LDLRAD4: variants seen among roughly 807,000 people sequenced by gnomAD.
LDLRAD4 encodes low-density lipoprotein receptor class A domain-containing protein 4.
In LDLRAD4, 5 loss-of-function variants were observed where a neutral mutation model predicts 17.0. That is an observed-to-expected ratio of 0.29 (90% CI 0.15 to 0.62). The LOEUF (loss-of-function observed/expected upper bound fraction) is 0.62, where lower values mean the gene tolerates loss of function less well. Ranked by LOEUF, LDLRAD4 falls within the 20% of genes least tolerant of loss-of-function variation. The pLI, the probability that LDLRAD4 is intolerant of heterozygous loss-of-function variation, is 0.84. For missense variants in LDLRAD4, 340 were observed against 424.7 expected (o/e 0.80, Z 1.75); for synonymous variants, 168 against 171.8 (o/e 0.98, Z 0.17).
chr18:13,247,461 G>T (rs1036726328), intron 1 of LDLRAD4, among the ~76,000 whole-genome samples: 1 of 152,180 alleles, frequency 6.6e-6, no homozygotes, highest in Non-Finnish European at 1.5e-5. Context: ...TGCAGTCCAG[G>T]ATGCCATGTT....
At chr18:13,405,055 T>A (rs995598780) in intron 2 of LDLRAD4, among the ~76,000 whole-genome samples, 3 of 152,040 alleles carry the variant, frequency 2.0e-5, no homozygotes, top group Admixed American at 2.0e-4. Context: ...ACGGATCCCC[T>A]AAGGGAAGCT....
chr18:13,589,272 A>C (rs1023936903), intron 3 of LDLRAD4, among the ~76,000 whole-genome samples: 1 of 152,012 alleles, frequency 6.6e-6, no homozygotes, highest in Admixed American at 6.6e-5. Context: ...TCTGTCCCCA[A>C]ACTGTGATGG....
chr18:13,259,731 A>G (rs73417385), intron 1 of LDLRAD4, among the ~76,000 whole-genome samples: 6,541 of 151,740 alleles, frequency 0.043, 521 homozygotes, highest in African/African-American at 0.15. Context: ...CACAAACTCA[A>G]GGGGCATCAC....
At chr18:13,259,850 A>G (rs2145928197) in intron 1 of LDLRAD4, among the ~76,000 whole-genome samples, 1 of 152,298 alleles carries the variant, frequency 6.6e-6, no homozygotes, top group Non-Finnish European at 1.5e-5. Flanking sequence ...ACTGAGCCCC[A>G]CTGGGTGCGC....
At chr18:13,545,511 T>C (rs1203014889) in intron 3 of LDLRAD4, among the ~76,000 whole-genome samples, 1 of 152,126 alleles carries the variant, frequency 6.6e-6, no homozygotes, top group African/African-American at 2.4e-5. Flanking sequence ...TCCTGTGTCA[T>C]CTTGTCTTGT....
In LDLRAD4 at chr18:13,438,234, A is replaced by G. The variant is rs779632232; in HGVS notation, c.41-10A>G. 3 of 1,613,544 alleles carry G rather than the reference A, an allele frequency of 1.9e-6. No homozygotes were observed. The African/African-American group carries it at 4.0e-5, about 22-fold the overall frequency. ...TTGACTGCTCCATGCTTTATATTGT[A>G]CTTTTTCAGAGTGCAAATTCACCTG... On this transcript the variant is annotated splice_polypyrimidine_tract_variant and intron_variant, in intron 2 of 5. Coordinates refer to ENST00000359446, the Ensembl canonical transcript of LDLRAD4.
At chr18:13,476,636 A>AAC (rs386387103) in intron 3 of LDLRAD4, among the ~76,000 whole-genome samples, 2 of 151,592 alleles carry the variant, frequency 1.3e-5, no homozygotes, top group Non-Finnish European at 2.9e-5. Flanking sequence ...AAAAAAAAAA[A>AAC]ATCCAGTCAT....
intron 2 of LDLRAD4, among the ~76,000 whole-genome samples, chr18:13,428,671 T>C (rs920138313): frequency 2.6e-5 from 4 of 151,636 alleles, no homozygotes; most frequent in African/African-American, 9.7e-5. Context: ...AGTGAGGTGG[T>C]GGGAAGGGGT....
At chr18:13,454,062 G>T (rs1030424526) in intron 3 of LDLRAD4, among the ~76,000 whole-genome samples, 1 of 152,244 alleles carries the variant, frequency 6.6e-6, no homozygotes, top group Admixed American at 6.5e-5. Context: ...TTTGTTTATT[G>T]CCGGGGTGTT....
In LDLRAD4 at chr18:13,226,376, A is replaced by G. The variant is rs1351087545; in HGVS notation, c.-467+7388A>G. Among the ~76,000 whole-genome samples the G allele has an allele frequency of 2.0e-5, 3 of 151,920 alleles. 1 individual carries two copies. The highest frequency in any genetic ancestry group is 3.9e-4 in the East Asian group (2 of 5,182). On this transcript the variant is annotated intron_variant, in intron 1 of 5. Transcript: ENST00000399848. ...ATTCTTAAAAGGGAAATTGGGGGCT[A>G]TAAGACTTTTAAGGGTCCTCCAAAA...
intron 3 of LDLRAD4, among the ~76,000 whole-genome samples, chr18:13,574,468 A>C (rs1385735367): frequency 6.6e-6 from 1 of 152,138 alleles, no homozygotes. Context: ...TGGGAGCAGG[A>C]ACTATGTCCT....
intron 1 of LDLRAD4, among the ~76,000 whole-genome samples, chr18:13,325,757 CT>C (rs35534448): frequency 1.7e-3 from 245 of 145,628 alleles, no homozygotes; most frequent in Middle Eastern, 3.5e-3. Context: ...AACTTTTTTC[CT>C]TTTTTTTTTT....
At chr18:13,581,212 G>A (rs2094851992) in intron 3 of LDLRAD4, among the ~76,000 whole-genome samples, 2 of 152,226 alleles carry the variant, frequency 1.3e-5, no homozygotes, top group South Asian at 4.1e-4. Context: ...ACTGGCTCAG[G>A]AGGTCAGTGG....
chr18:13,271,128 T>C (rs2044512163), intron 1 of LDLRAD4, among the ~76,000 whole-genome samples: 1 of 152,230 alleles, frequency 6.6e-6, no homozygotes, highest in South Asian at 2.1e-4. Flanking sequence ...CAGTGAGCAG[T>C]AAACATTTTG....
At chr18:13,532,149 C>T (rs535365632) in intron 3 of LDLRAD4, among the ~76,000 whole-genome samples, 1 of 152,308 alleles carries the variant, frequency 6.6e-6, no homozygotes, top group African/African-American at 2.4e-5. Flanking sequence ...GCAGAGGCAG[C>T]TGCCGGGCTG....
intron 1 of LDLRAD4, among the ~76,000 whole-genome samples, chr18:13,376,935 T>C (rs914027183): frequency 6.6e-6 from 1 of 152,154 alleles, no homozygotes; most frequent in Non-Finnish European, 1.5e-5. Flanking sequence ...TGTGGCCCCA[T>C]TAGTTAGAGA....
chr18:13,507,688 C>T (rs9952307), intron 3 of LDLRAD4, among the ~76,000 whole-genome samples: 55,794 of 152,102 alleles, frequency 0.37, 11,057 homozygotes, highest in Middle Eastern at 0.56. Flanking sequence ...GCACCACAAA[C>T]CATACCCATA....
chr18:13,648,153 T>A, exon 6 of LDLRAD4: 1 of 152,248 alleles, frequency 6.6e-6, no homozygotes, highest in East Asian at 1.9e-4. Context: ...CTCAAATGGC[T>A]TCACAGTCCT....
chr18:13,232,780 G>A (rs527864754), intron 1 of LDLRAD4, among the ~76,000 whole-genome samples: 2 of 152,180 alleles, frequency 1.3e-5, no homozygotes, highest in African/African-American at 4.8e-5. Flanking sequence ...CCCAGGAAGC[G>A]CCACCTCCAG....
Sources: gnomAD v4.1 joint callset for allele counts (sites outside exome capture counted in the v4.1 genomes callset) on GRCh38, gnomAD v4.1.1 for gene constraint, MANE v1.5 for transcripts, NCBI Gene and HGNC (gene_info 2026-07-23, HGNC 2026-07-21) for gene names.